Variants in ATOSB observed in about 807,000 individuals in gnomAD.
ATOSB encodes atos homolog protein B.
chr9:35,115,184 T>A, the ATOSB span, among the ~76,000 whole-genome samples: 1 of 151,746 alleles, frequency 6.6e-6, no homozygotes. Context: ...GCTGGACAGA[T>A]CCAAAATAGA....
chr9:35,109,565 T>C, the ATOSB span: 1 of 152,378 alleles, frequency 6.6e-6, no homozygotes, highest in Non-Finnish European at 1.5e-5. Flanking sequence ...GAATGTCAAG[T>C]TGAAAGCCAG....
At chr9:35,107,655 T>C in the ATOSB span, 8 of 1,607,282 alleles carry the variant, frequency 5.0e-6, no homozygotes, top group East Asian at 2.2e-5. Context: ...GCTACCCCCA[T>C]TGCCCACCCC....
chr9:35,108,743 G>C, the ATOSB span: 57 of 972,842 alleles, frequency 5.9e-5, no homozygotes, highest in African/African-American at 9.1e-4. Flanking sequence ...GGACCCTGAG[G>C]AGAGAAGAAC....
the ATOSB span, among the ~76,000 whole-genome samples, chr9:35,112,896 C>T: frequency 6.6e-6 from 1 of 152,088 alleles, no homozygotes; most frequent in African/African-American, 2.4e-5. Flanking sequence ...TCCTCTTCCC[C>T]CTAGTCCCTC....
chr9:35,106,964 A>G, the ATOSB span: 15 of 1,368,144 alleles, frequency 1.1e-5, no homozygotes, highest in Admixed American at 2.6e-4. This position sits in a 1 kb window ranked among gnomAD's most constrained non-coding sequence, Gnocchi z 4.6. Flanking sequence ...GCTCATCACA[A>G]ACTCTCAAAG....
chr9:35,105,967 C>T, the ATOSB span: 23 of 1,614,082 alleles, frequency 1.4e-5, no homozygotes, highest in South Asian at 3.3e-5. This position sits in a 1 kb window ranked among gnomAD's most constrained non-coding sequence, Gnocchi z 5.5. Flanking sequence ...ACCTTGGGCA[C>T]GCTGTAACCC....
chr9:35,105,103 G>A, the ATOSB span: 2 of 1,121,402 alleles, frequency 1.8e-6, no homozygotes, highest in East Asian at 2.7e-5. This position sits in a 1 kb window ranked among gnomAD's most constrained non-coding sequence, Gnocchi z 5.5. Context: ...TTGGGCGTGA[G>A]CATGGTGAGG....
the ATOSB span, chr9:35,106,777 A>G: frequency 6.5e-7 from 1 of 1,540,186 alleles, no homozygotes; most frequent in Non-Finnish European, 8.8e-7. This position sits in a 1 kb window ranked among gnomAD's most constrained non-coding sequence, Gnocchi z 4.6. Context: ...TGGAAAGAGT[A>G]CAGACTTCTG....
chr9:35,104,252 A>G, the ATOSB span: 20 of 152,558 alleles, frequency 1.3e-4, no homozygotes, highest in Non-Finnish European at 4.4e-5. Context: ...TGTTCCCCTC[A>G]GCCCAGCCCC....
the ATOSB span, chr9:35,111,458 G>C: frequency 7.2e-5 from 11 of 152,542 alleles, no homozygotes; most frequent in African/African-American, 2.7e-4. Flanking sequence ...ACACTAGCGG[G>C]CCCTGGCGCC....
At chr9:35,107,120 G>C in the ATOSB span, among the ~76,000 whole-genome samples, 696 of 152,010 alleles carry the variant, frequency 4.6e-3, 10 homozygotes, top group African/African-American at 0.016. Flanking sequence ...TCAGGAGTTC[G>C]AGACCAGCTT....
the ATOSB span, chr9:35,107,343 A>AAATT: frequency 2.6e-6 from 4 of 1,531,276 alleles, no homozygotes; most frequent in South Asian, 1.2e-5. Context: ...AAAAAAAAAA[A>AAATT]GTAAAAAAAG....
the ATOSB span, among the ~76,000 whole-genome samples, chr9:35,114,274 G>T: frequency 6.6e-6 from 1 of 152,220 alleles, no homozygotes; most frequent in Non-Finnish European, 1.5e-5. Flanking sequence ...CTGAGAGACT[G>T]TCTGGGAAGC....
chr9:35,105,888 C>T, the ATOSB span: 10 of 1,613,678 alleles, frequency 6.2e-6, no homozygotes, highest in South Asian at 8.8e-5. This position sits in a 1 kb window ranked among gnomAD's most constrained non-coding sequence, Gnocchi z 5.5. Context: ...GTTGGTAGGG[C>T]CTGAGGGCTG....
At chr9:35,112,208 C>CT in the ATOSB span, 1 of 152,354 alleles carries the variant, frequency 6.6e-6, no homozygotes, top group East Asian at 1.9e-4. Context: ...CTTTTGCCTT[C>CT]TTTAGAGGAG....
At chr9:35,106,792 C>T in the ATOSB span, 4 of 1,549,890 alleles carry the variant, frequency 2.6e-6, no homozygotes, top group African/African-American at 1.4e-5. The surrounding 1 kb of genome is among the most constrained non-coding windows in gnomAD (Gnocchi z 4.6). Flanking sequence ...CTTCTGCCCC[C>T]ATTCTCAGGG....
chr9:35,107,967 C>G, the ATOSB span: 10 of 1,603,980 alleles, frequency 6.2e-6, no homozygotes, highest in Non-Finnish European at 8.5e-6. Context: ...TCCCTCTGGG[C>G]CTAAGAGCCC....
chr9:35,113,175 A>T, the ATOSB span, among the ~76,000 whole-genome samples: 1 of 152,222 alleles, frequency 6.6e-6, no homozygotes, highest in Non-Finnish European at 1.5e-5. Flanking sequence ...TGTAGGAAAA[A>T]AATAATCCCT....
chr9:35,106,350 T>G, the ATOSB span: 2 of 1,614,138 alleles, frequency 1.2e-6, no homozygotes, highest in Non-Finnish European at 1.7e-6. The surrounding 1 kb of genome is among the most constrained non-coding windows in gnomAD (Gnocchi z 4.6). Context: ...CTAGCTCCAA[T>G]TTCTGCTGTG....
Sources: gnomAD v4.1 joint callset for allele counts (sites outside exome capture counted in the v4.1 genomes callset) on GRCh38, gnomAD v4.1.1 for gene constraint, Gnocchi (gnomAD v3.1) non-coding constraint, MANE v1.5 for transcripts, NCBI Gene and HGNC (gene_info 2026-07-23, HGNC 2026-07-21) for gene names.